LRRC9: variants seen among roughly 807,000 people sequenced by gnomAD.
LRRC9 encodes leucine-rich repeat-containing protein 9.
A neutral mutation model predicts 63.2 loss-of-function variants in LRRC9; 122 were observed. The ratio of observed to expected loss-of-function variants is 1.93; its 90% CI spans 1.67 to 2.24. The LOEUF (loss-of-function observed/expected upper bound fraction) is 2.24. LRRC9 is among the 30% of genes most tolerant of loss of function. LRRC9 has a pLI of 0.00. For synonymous variants in LRRC9, 366 were observed against 213.1 expected (o/e 1.72, Z -6.25); for missense variants, 1,071 against 627.7 (o/e 1.71, Z -7.55).
chr14:60,062,876 T>C (rs927153762), intron 31 of LRRC9, among the ~76,000 whole-genome samples: 5 of 145,060 alleles, frequency 3.4e-5, no homozygotes, highest in Non-Finnish European at 7.5e-5. Flanking sequence ...ATCAGCCATG[T>C]CCCACTGAGT....
intron 23 of LRRC9, among the ~76,000 whole-genome samples, chr14:60,011,495 C>A (rs1890256543): frequency 6.6e-6 from 1 of 152,208 alleles, no homozygotes; most frequent in Non-Finnish European, 1.5e-5. Context: ...ATTTATGATT[C>A]AATAATATAA....
At chr14:60,056,853 T>C (rs1457098599) in intron 30 of LRRC9, among the ~76,000 whole-genome samples, 1 of 152,182 alleles carries the variant, frequency 6.6e-6, no homozygotes, top group Non-Finnish European at 1.5e-5. Flanking sequence ...GTCTTTGTCT[T>C]AGTTGCTACT....
In LRRC9 at chr14:60,016,810, T is replaced by C. The variant is rs1371290155; in HGVS notation, c.3317+20T>C. The C allele has an allele frequency of 1.5e-6, 1 of 656,716 alleles. No individual in the cohort carries two copies. 40.7% of individuals were successfully genotyped at this position (656,716 alleles called of 1,614,324 possible). A position where few individuals can be genotyped will look rare whatever the true frequency, so the allele number is the denominator to read the frequency against. ...TATTAGGTACAATCATTTTATTATA[T>C]GCCTTTTTACATTATAATTACATTA... On this transcript the variant is annotated intron_variant, in intron 24 of 31. Coordinates refer to ENST00000445360, the Ensembl canonical transcript of LRRC9.
rs574840268 is a variant in LRRC9 at position 59,937,980 on chromosome 14, C to T, written c.544-410C>T. On this transcript the variant is annotated intron_variant, in intron 6 of 31. Coordinates refer to ENST00000445360, the Ensembl canonical transcript of LRRC9. ...ATGAGTAGAGCAGATCTGGAGGCAG[C>T]GAGGATGAAGAGGAGTGTTTCTAGG... Among the ~76,000 whole-genome samples, 32 of 151,990 alleles carry T rather than the reference C, an allele frequency of 2.1e-4. No homozygotes were observed. The South Asian group carries it at 5.2e-3, about 25-fold the overall frequency.
intron 26 of LRRC9, among the ~76,000 whole-genome samples, chr14:60,020,513 T>A (rs1320283663): frequency 6.6e-6 from 1 of 151,924 alleles, no homozygotes; most frequent in Admixed American, 6.6e-5. Context: ...TTACTTATAT[T>A]AAGTGTATAA....
intron 23 of LRRC9, among the ~76,000 whole-genome samples, chr14:60,010,698 C>G (rs1040431732): frequency 6.6e-6 from 1 of 152,160 alleles, no homozygotes; most frequent in Non-Finnish European, 1.5e-5. Flanking sequence ...CTCTTGAACA[C>G]TTTGCCACTT....
chr14:60,039,054 G>T (rs1043757842), intron 29 of LRRC9, among the ~76,000 whole-genome samples: 2 of 152,206 alleles, frequency 1.3e-5, no homozygotes, highest in African/African-American at 4.8e-5. Flanking sequence ...CTGTTTATAT[G>T]ATGGATTACA....
rs1217005617 is a variant in LRRC9, at chr14:59,942,831, T to C, written c.727-1758T>C. On this transcript the variant is annotated intron_variant, in intron 7 of 31. Coordinates refer to ENST00000445360, the Ensembl canonical transcript of LRRC9. The surrounding 1 kb of genome is among the most constrained non-coding windows in gnomAD (Gnocchi z 5.3). ...GCCATTCTAACTAGGTGAGATTATA[T>C]TGTGATTTTTATTTGCATTTCCATG... Among the ~76,000 whole-genome samples, 3 of 152,154 alleles carry C rather than the reference T, an allele frequency of 2.0e-5. No individual in the cohort carries two copies. The highest frequency in any genetic ancestry group is 7.2e-5 in the African/African-American group (3 of 41,438).
At chr14:60,019,611 T>C (rs907490973) in intron 26 of LRRC9, among the ~76,000 whole-genome samples, 13 of 151,920 alleles carry the variant, frequency 8.6e-5, no homozygotes, top group Non-Finnish European at 1.8e-4. Context: ...TCACCCTGTA[T>C]GTACAATTTA....
chr14:59,974,081 T>C (rs1345748458), intron 12 of LRRC9, among the ~76,000 whole-genome samples: 3 of 152,086 alleles, frequency 2.0e-5, no homozygotes, highest in African/African-American at 7.2e-5. Context: ...ACCGATAGAA[T>C]ACTTTCAAGA....
At chr14:59,921,429 C>G (rs969603170) in intron 1 of LRRC9, among the ~76,000 whole-genome samples, 19 of 151,714 alleles carry the variant, frequency 1.3e-4, no homozygotes, top group African/African-American at 3.9e-4. Context: ...AGGGCCTGAA[C>G]CAAGGCAGAG....
chr14:59,963,273 AAATT>A (rs1290811039), intron 10 of LRRC9, among the ~76,000 whole-genome samples: 1 of 152,174 alleles, frequency 6.6e-6, no homozygotes, highest in African/African-American at 2.4e-5. Flanking sequence ...TTATGAAATA[AAATT>A]ATTATATTTT....
At chr14:59,968,734 G>T (rs1885136110) in intron 12 of LRRC9, among the ~76,000 whole-genome samples, 1 of 152,162 alleles carries the variant, frequency 6.6e-6, no homozygotes. Context: ...GGTAAGGGAA[G>T]GATGAGGCTA....
At chr14:59,975,021 A>G (rs1885966704) in intron 13 of LRRC9, among the ~76,000 whole-genome samples, 1 of 93,208 alleles carries the variant, frequency 1.1e-5, no homozygotes. Flanking sequence ...ACATATATAT[A>G]TATGTGTCAC....
intron 26 of LRRC9, 131 bp from the exon 27 acceptor site, chr14:60,022,603 T>A (rs1189185907): frequency 2.5e-6 from 1 of 395,032 alleles, no homozygotes; most frequent in East Asian, 3.7e-5. Flanking sequence ...GTATTAAGCT[T>A]AATTCTGATA....
chr14:60,029,971 G>A (rs575435197), intron 28 of LRRC9, among the ~76,000 whole-genome samples: 34 of 152,132 alleles, frequency 2.2e-4, no homozygotes, highest in African/African-American at 7.2e-4. Context: ...TGAACTCAGA[G>A]GAATAGGAAG....
intron 29 of LRRC9, among the ~76,000 whole-genome samples, chr14:60,041,398 A>G (rs760438799): frequency 6.6e-6 from 1 of 152,166 alleles, no homozygotes; most frequent in East Asian, 1.9e-4. Flanking sequence ...AGGTACACCA[A>G]TCACACGTAG....
At chr14:59,985,248 A>G (rs1201492321) in intron 17 of LRRC9, 24 bp downstream of exon 17, 2 of 605,066 alleles carry the variant, frequency 3.3e-6, no homozygotes, top group South Asian at 1.9e-5. Flanking sequence ...CTTTGAATCT[A>G]AAAAAGTGAA....
intron 16 of LRRC9, among the ~76,000 whole-genome samples, chr14:59,982,640 C>T (rs1220826421): frequency 6.6e-6 from 1 of 152,116 alleles, no homozygotes; most frequent in Non-Finnish European, 1.5e-5. Context: ...AAGTTTCCAA[C>T]ACATGAACTT....
Sources: gnomAD v4.1 joint callset for allele counts (sites outside exome capture counted in the v4.1 genomes callset) on GRCh38, gnomAD v4.1.1 for gene constraint, Gnocchi (gnomAD v3.1) non-coding constraint, MANE v1.5 for transcripts, NCBI Gene and HGNC (gene_info 2026-07-23, HGNC 2026-07-21) for gene names.